The following GALNT18 variants were observed in gnomAD, a reference collection of about 807,000 sequenced individuals.
GALNT18 encodes GalNAc-transferase 18.
In GALNT18, 44 loss-of-function variants were observed where a neutral mutation model predicts 69.5. The observed-to-expected ratio is 0.63, with a 90% CI of 0.50 to 0.81. The LOEUF (loss-of-function observed/expected upper bound fraction) is 0.81, where lower values mean the gene tolerates loss of function less well. Ranked by LOEUF, GALNT18 falls within the 40% of genes least tolerant of loss-of-function variation. The pLI is 0.00. For missense variants in GALNT18, 715 were observed against 810.0 expected (o/e 0.88, Z 1.42); for synonymous variants, 364 against 318.2 (o/e 1.14, Z -1.53).
At chr11:11,612,570 T>C (rs1237821030) in intron 1 of GALNT18, among the ~76,000 whole-genome samples, 3 of 152,194 alleles carry the variant, frequency 2.0e-5, no homozygotes, top group Non-Finnish European at 4.4e-5. Flanking sequence ...AGTCCCTGAA[T>C]TACCTTCCTG....
intron 1 of GALNT18, among the ~76,000 whole-genome samples, chr11:11,466,007 A>C (rs1856148676): frequency 6.6e-6 from 1 of 152,182 alleles, no homozygotes. Flanking sequence ...AGTGCTTCTC[A>C]GCTCTTCTCA....
intron 1 of GALNT18, among the ~76,000 whole-genome samples, chr11:11,580,215 G>T (rs935562430): frequency 1.2e-4 from 18 of 152,192 alleles, no homozygotes; most frequent in African/African-American, 4.3e-4. Flanking sequence ...TTCCCAGTTT[G>T]TTCCCAAGAT....
At chr11:11,323,802 T>G (rs557109461) in intron 9 of GALNT18, among the ~76,000 whole-genome samples, 5 of 152,350 alleles carry the variant, frequency 3.3e-5, no homozygotes, top group African/African-American at 1.2e-4. Context: ...TAATTTCATC[T>G]GTATTCCTGG....
intron 2 of GALNT18, among the ~76,000 whole-genome samples, chr11:11,443,995 A>C (rs896032996): frequency 2.0e-5 from 3 of 152,156 alleles, no homozygotes; most frequent in African/African-American, 7.2e-5. Context: ...GGTGTGGGGG[A>C]TTAGGATGTG....
At chr11:11,293,457 T>G (rs1849340838) in intron 9 of GALNT18, among the ~76,000 whole-genome samples, 1 of 152,042 alleles carries the variant, frequency 6.6e-6, no homozygotes, top group South Asian at 2.1e-4. Context: ...TACACTGATT[T>G]CTGTTCTAAT....
chr11:11,414,656 T>A (rs1854811093), intron 3 of GALNT18, among the ~76,000 whole-genome samples: 1 of 152,210 alleles, frequency 6.6e-6, no homozygotes, highest in Admixed American at 6.5e-5. Context: ...TGTAATAATT[T>A]CATTTGTTTC....
intron 9 of GALNT18, among the ~76,000 whole-genome samples, chr11:11,306,404 T>A (rs372311829): frequency 4.6e-4 from 69 of 150,882 alleles, no homozygotes; most frequent in African/African-American, 1.6e-3. Flanking sequence ...GAAAAAAAAA[T>A]GGAGTTCATG....
At chr11:11,446,788 C>A (rs1287858637) in intron 2 of GALNT18, among the ~76,000 whole-genome samples, 1 of 152,224 alleles carries the variant, frequency 6.6e-6, no homozygotes, top group Non-Finnish European at 1.5e-5. Context: ...TATTGCTAAT[C>A]TGCTCAAGCC....
intron 1 of GALNT18, among the ~76,000 whole-genome samples, chr11:11,466,360 A>G (rs1451090639): frequency 1.3e-5 from 2 of 152,256 alleles, no homozygotes; most frequent in African/African-American, 4.8e-5. Flanking sequence ...ATCACAAATG[A>G]AAACAAATAG....
intron 10 of GALNT18, among the ~76,000 whole-genome samples, chr11:11,287,859 C>A (rs1849221853): frequency 1.3e-5 from 2 of 152,096 alleles, no homozygotes; most frequent in African/African-American, 4.8e-5. Flanking sequence ...ACAGGGCTGG[C>A]AATGGTCCTG....
intron 10 of GALNT18, among the ~76,000 whole-genome samples, chr11:11,284,280 G>C (rs977443645): frequency 2.0e-5 from 3 of 152,228 alleles, no homozygotes; most frequent in Admixed American, 6.5e-5. Context: ...CCTACGTGTG[G>C]TACAGACTGA....
chr11:11,488,208 G>T (rs1030704164), intron 1 of GALNT18, among the ~76,000 whole-genome samples: 8 of 152,146 alleles, frequency 5.3e-5, no homozygotes, highest in Non-Finnish European at 8.8e-5. Flanking sequence ...ATCTGCAATG[G>T]GTTTCACTGG....
chr11:11,555,894 G>T lies in GALNT18; in HGVS notation c.235+65465C>A, dbSNP rs1858322011. Among the ~76,000 whole-genome samples, 1 of 152,190 alleles carries T rather than the reference G, an allele frequency of 6.6e-6. No homozygotes were observed. Among genetic ancestry groups the T allele is most frequent in the Non-Finnish European group, 1.5e-5 (1 of 68,022 alleles). ...AGCACATATCAGGAAAGAGGCTGGGGTCTCACGAGAATGCAGAGCAGGATC... is the reference window on the plus strand; with the variant it reads ...AGCACATATCAGGAAAGAGGCTGGGTTCTCACGAGAATGCAGAGCAGGATC... On this transcript the variant is annotated intron_variant, in intron 1 of 10. Transcript: ENST00000227756. The surrounding 1 kb of genome is among the most constrained non-coding windows in gnomAD (Gnocchi z 4.7).
chr11:11,438,607 T>C (rs1042191442), intron 2 of GALNT18, among the ~76,000 whole-genome samples: 4 of 152,196 alleles, frequency 2.6e-5, no homozygotes, highest in African/African-American at 4.8e-5. Flanking sequence ...AAACCTGGGC[T>C]CATTTGATTC....
chr11:11,437,580 A>C (rs940625791), intron 2 of GALNT18, among the ~76,000 whole-genome samples: 3 of 152,070 alleles, frequency 2.0e-5, no homozygotes, highest in Admixed American at 6.5e-5. Context: ...TGGAGGAATA[A>C]GTGAGGTAAA....
chr11:11,280,118 C>T (rs981628140), intron 10 of GALNT18, among the ~76,000 whole-genome samples: 1 of 152,138 alleles, frequency 6.6e-6, no homozygotes. Context: ...AAGATTCCTC[C>T]TGCTGTGCCC....
At chr11:11,440,774 C>A (rs1339270706) in intron 2 of GALNT18, among the ~76,000 whole-genome samples, 1 of 152,172 alleles carries the variant, frequency 6.6e-6, no homozygotes, top group Non-Finnish European at 1.5e-5. Flanking sequence ...GAGACCCAGA[C>A]AATAAAAGTG....
chr11:11,584,089 G>A lies in GALNT18; in HGVS notation c.235+37270C>T, dbSNP rs1053413536. On this transcript the variant is annotated intron_variant, in intron 1 of 10. Transcript: ENST00000227756. The surrounding 1 kb of genome is among the most constrained non-coding windows in gnomAD (Gnocchi z 4.1). ...GAAAACTGTGGTCAAGCAGAAAAGA[G>A]ATAAGAGGACATACGGAGAGAAGTA... is the stretch of plus-strand genomic sequence containing the variant. Among the ~76,000 whole-genome samples the A allele has an allele frequency of 6.6e-6, 1 of 152,054 alleles. No individual in the cohort carries two copies. Among genetic ancestry groups the A allele is most frequent in the East Asian group, 1.9e-4 (1 of 5,158 alleles).
chr11:11,544,682 T>TA (rs1858007603), intron 1 of GALNT18, among the ~76,000 whole-genome samples: 1 of 152,318 alleles, frequency 6.6e-6, no homozygotes, highest in East Asian at 1.9e-4. Context: ...TCGCATGCAT[T>TA]AGGTATTTGT....
Sources: allele counts gnomAD v4.1 joint callset (sites outside exome capture counted in the v4.1 genomes callset), GRCh38; gene constraint gnomAD v4.1.1; non-coding constraint Gnocchi (gnomAD v3.1); transcripts MANE v1.5; gene names NCBI Gene and HGNC (gene_info 2026-07-23, HGNC 2026-07-21).